Variants in PNPLA1 observed in about 807,000 individuals in gnomAD.
PNPLA1 encodes patatin like domain 1, omega-hydroxyceramide transacylase, also known as omega-hydroxyceramide transacylase.
In PNPLA1, 36 loss-of-function variants were observed where a neutral mutation model predicts 51.7. The observed-to-expected ratio is 0.70, with a 90% CI of 0.53 to 0.92. PNPLA1 has a LOEUF of 0.92. PNPLA1 is among the 40% of genes least tolerant of loss of function. PNPLA1 has a pLI of 0.00. For missense variants in PNPLA1, 658 were observed against 682.5 expected (o/e 0.96, Z 0.40); for synonymous variants, 293 against 280.1 (o/e 1.05, Z -0.46).
At chr6:36,281,788 G>A (rs751842422) in intron 1 of PNPLA1, among the ~76,000 whole-genome samples, 3 of 152,204 alleles carry the variant, frequency 2.0e-5, no homozygotes, top group Non-Finnish European at 2.9e-5. Flanking sequence ...GGGAGGCCAA[G>A]GCAAGTGGAT....
intron 1 of PNPLA1, among the ~76,000 whole-genome samples, chr6:36,264,906 T>G (rs75858078): frequency 0.037 from 5,568 of 152,328 alleles, 146 homozygotes; most frequent in Middle Eastern, 0.14. Flanking sequence ...CTCCTTACAT[T>G]GTACCTTTAA....
At chr6:36,279,396 T>A (rs565307935) in intron 1 of PNPLA1, among the ~76,000 whole-genome samples, 1 of 152,312 alleles carries the variant, frequency 6.6e-6, no homozygotes, top group Admixed American at 6.5e-5. Flanking sequence ...GGCTGGCTGG[T>A]TATTGTCATT....
At position 36,294,050 on chromosome 6, in the gene PNPLA1, G is replaced by A; in HGVS notation, c.505-140G>A. 9.9e-7 allele frequency: 1 copy of A among 1,006,460 alleles called. No homozygotes were observed. Among genetic ancestry groups the A allele is most frequent in the African/African-American group, 1.6e-5 (1 of 61,868 alleles). The allele number at this position is 1,006,460 out of a possible 1,614,324, so 62.3% of individuals were successfully genotyped here. A position where few individuals can be genotyped will look rare whatever the true frequency, so the allele number is the denominator to read the frequency against. On this transcript the variant is annotated intron_variant, in intron 3 of 8. Coordinates refer to ENST00000636260, the MANE Select transcript of PNPLA1 (RefSeq NM_001374623.1). The surrounding 1 kb of genome is among the most constrained non-coding windows in gnomAD (Gnocchi z 4.2). The stretch of plus-strand genomic sequence containing the variant: ...GCACCCACCAGGACCTCCGTCTCCA[G>A]GCTTATCCTGAGGGGTCTTCTGGAT...
At chr6:36,291,597 G>GGGGGGGGGC in intron 2 of PNPLA1, 45 bp downstream of exon 2, 1 of 532,586 alleles carries the variant, frequency 1.9e-6, no homozygotes, top group Non-Finnish European at 3.4e-6. Context: ...GGGGGCGGGG[G>GGGGGGGGGC]AGGGCGGCTC....
intron 7 of PNPLA1, among the ~76,000 whole-genome samples, chr6:36,307,337 T>TA (rs1006691915): frequency 1.3e-5 from 2 of 152,238 alleles, no homozygotes; most frequent in African/African-American, 4.8e-5. Flanking sequence ...TTTGTTCACA[T>TA]AATTTAAACT....
intron 5 of PNPLA1, among the ~76,000 whole-genome samples, chr6:36,298,820 C>A (rs1378216177): frequency 6.6e-6 from 1 of 152,174 alleles, no homozygotes; most frequent in Non-Finnish European, 1.5e-5. Context: ...CTCACTGCAA[C>A]CTCTGCCACC....
At chr6:36,258,568 C>T (rs1461530560) in intron 1 of PNPLA1, among the ~76,000 whole-genome samples, 2 of 152,216 alleles carry the variant, frequency 1.3e-5, no homozygotes. Flanking sequence ...TACTCAGCCA[C>T]TACTGAATGC....
chr6:36,259,773 A>C (rs917891550), intron 1 of PNPLA1, among the ~76,000 whole-genome samples: 2 of 152,164 alleles, frequency 1.3e-5, no homozygotes, highest in Admixed American at 1.3e-4. Flanking sequence ...TATAAGTGGG[A>C]GCTAAACAGT....
Position 36,279,385 on chromosome 6 carries a change from A to AGGCT in PNPLA1, c.205+8728_205+8731dup, listed in dbSNP as rs1375836523. 4.6e-5 allele frequency among the ~76,000 whole-genome samples: 7 copies of AGGCT among 152,318 alleles called. No homozygotes were observed. In the East Asian group the frequency reaches 1.4e-3, roughly 29 times the overall value. On this transcript the variant is annotated intron_variant, in intron 1 of 8. Transcript: ENST00000636260. ...AAATTCTCCTGGGGCCCTGGAGCTG[A>AGGCT]GGCTGGCTGGTTATTGTCATTGATA...
At chr6:36,305,424 T>C (rs1358515933) in intron 6 of PNPLA1, among the ~76,000 whole-genome samples, 1 of 152,156 alleles carries the variant, frequency 6.6e-6, no homozygotes, top group Non-Finnish European at 1.5e-5. Context: ...TGTGAATAGA[T>C]TTGGGAGAGT....
chr6:36,306,993 G>C (rs1771257276), intron 7 of PNPLA1, among the ~76,000 whole-genome samples: 1 of 152,148 alleles, frequency 6.6e-6, no homozygotes, highest in South Asian at 2.1e-4. Flanking sequence ...AGGCTCCCTT[G>C]CTGGCTGAAT....
chr6:36,254,225 A>G (rs1202077710), intron 1 of PNPLA1, among the ~76,000 whole-genome samples: 2 of 152,208 alleles, frequency 1.3e-5, no homozygotes, highest in Non-Finnish European at 2.9e-5. Context: ...CTAATCATGA[A>G]TTCTTTTCAA....
At chr6:36,297,810 C>G (rs1426825868) in intron 5 of PNPLA1, among the ~76,000 whole-genome samples, 1 of 152,072 alleles carries the variant, frequency 6.6e-6, no homozygotes, top group African/African-American at 2.4e-5. Context: ...CTTCCGCCCT[C>G]CTCCCCCACT....
chr6:36,270,139 G>A lies in PNPLA1; in HGVS notation c.-321G>A, dbSNP rs180796207. Among the ~76,000 whole-genome samples the A allele has an allele frequency of 1.1e-4, 17 of 152,378 alleles. No homozygotes were observed. The highest frequency in any genetic ancestry group is 4.1e-4 in the African/African-American group (17 of 41,594). ...GCAGAGGGCTGAGGATCCCGTGCCC[G>A]AGATGAATCTAGCCAAGAAATGAAG... On this transcript the variant is annotated 5_prime_UTR_variant, in exon 1 of 9. Transcript: ENST00000636260.
chr6:36,300,172 T>TGAGAGAGA (rs1561869592), intron 5 of PNPLA1, among the ~76,000 whole-genome samples: 5 of 71,808 alleles, frequency 7.0e-5, no homozygotes, highest in African/African-American at 2.1e-4. Flanking sequence ...TGTGTGTGTG[T>TGAGAGAGA]GTGTGTGAGA....
intron 1 of PNPLA1, among the ~76,000 whole-genome samples, 186 bp downstream of exon 1, chr6:36,270,850 G>A (rs1389433493): frequency 1.3e-5 from 2 of 152,146 alleles, no homozygotes; most frequent in Non-Finnish European, 1.5e-5. Flanking sequence ...GGTCTGCCAG[G>A]CCCCAGACTC....
chr6:36,294,093 T>C lies in PNPLA1; in HGVS notation c.505-97T>C. On this transcript the variant is annotated intron_variant, in intron 3 of 8. Coordinates refer to ENST00000636260, the MANE Select transcript of PNPLA1 (RefSeq NM_001374623.1). This position sits in a 1 kb window ranked among gnomAD's most constrained non-coding sequence, Gnocchi z 4.2. Reference sequence around the variant, plus strand: ...TTCTGGATCTTCCTTGATGGGCCCTTGAAGCTGGTGCCATATCCCATGGGC... The same window carrying C: ...TTCTGGATCTTCCTTGATGGGCCCTCGAAGCTGGTGCCATATCCCATGGGC... The C allele has an allele frequency of 2.8e-6, 4 of 1,405,662 alleles. No homozygotes were observed. Among genetic ancestry groups the C allele is most frequent in the Non-Finnish European group, 3.9e-6 (4 of 1,025,470 alleles). The allele number at this position is 1,405,662 out of a possible 1,614,324, so 87.1% of individuals were successfully genotyped here.
chr6:36,295,728 A>T (rs1770840347), intron 5 of PNPLA1, among the ~76,000 whole-genome samples: 1 of 152,250 alleles, frequency 6.6e-6, no homozygotes, highest in African/African-American at 2.4e-5. Context: ...TCCAGAGTTC[A>T]GATCTTCCTG....
At chr6:36,306,004 C>T (rs1427551409) in intron 6 of PNPLA1, among the ~76,000 whole-genome samples, 1 of 152,122 alleles carries the variant, frequency 6.6e-6, no homozygotes, top group African/African-American at 2.4e-5. Flanking sequence ...ATCTGCCCGC[C>T]TTGGCCTCCC....
Sources: allele counts gnomAD v4.1 joint callset (sites outside exome capture counted in the v4.1 genomes callset), GRCh38; gene constraint gnomAD v4.1.1; non-coding constraint Gnocchi (gnomAD v3.1); transcripts MANE v1.5; gene names NCBI Gene and HGNC (gene_info 2026-07-23, HGNC 2026-07-21).